DYNC2LI1: variants seen among roughly 807,000 people sequenced by gnomAD.
DYNC2LI1 encodes dynein cytoplasmic 2 light intermediate chain 1, also known as cytoplasmic dynein 2 light intermediate chain 1.
DYNC2LI1 carries 45 observed loss-of-function variants against 51.9 expected under a neutral mutation model. The observed-to-expected ratio is 0.87, with a 90% CI of 0.68 to 1.11. The LOEUF (loss-of-function observed/expected upper bound fraction) is 1.11, where lower values mean the gene tolerates loss of function less well. Ranked by LOEUF, DYNC2LI1 falls within the 50% of genes most tolerant of loss-of-function variation. The pLI, the probability that DYNC2LI1 is intolerant of heterozygous loss-of-function variation, is 0.00. For synonymous variants in DYNC2LI1, 130 were observed against 137.8 expected (o/e 0.94, Z 0.40); for missense variants, 490 against 417.4 (o/e 1.17, Z -1.51).
In DYNC2LI1 at chr2:43,783,549, T is replaced by C; in HGVS notation, c.156T>C (p.Leu52=). ...AGACTACTATTATTCTAAGGTGTCT[T>C]GACAGGTAAGTGTTATGTTAACCTT... ...GGKTTIILRC[L]DRDEPPKPTL... is the part of the protein sequence containing the mutation. Residue 52 remains leucine, a synonymous_variant, in exon 3 of 13, where the codon CTT becomes CTC. Transcript: ENST00000260605. The C allele has an allele frequency of 6.5e-7, 1 of 1,533,414 alleles. No homozygotes were observed. The highest frequency in any genetic ancestry group is 1.3e-5 in the South Asian group (1 of 77,436). The allele number at this position is 1,533,414 out of a possible 1,614,324, so 95.0% of individuals were successfully genotyped here. A position where few individuals can be genotyped will look rare whatever the true frequency, so the allele number is the denominator to read the frequency against.
At chr2:43,776,740 A>C in intron 1 of DYNC2LI1, 42 bp from the exon 2 acceptor site, 2 of 880,162 alleles carry the variant, frequency 2.3e-6, no homozygotes, top group South Asian at 3.4e-5. Context: ...ATTTGAAAGA[A>C]TTCTTTTTCC....
chr2:43,814,300 C>T (rs1354894205), downstream of DYNC2LI1, among the ~76,000 whole-genome samples: 1 of 152,152 alleles, frequency 6.6e-6, no homozygotes, highest in Non-Finnish European at 1.5e-5. Context: ...ACTAACTTGA[C>T]TACTGCTTAT....
chr2:43,797,065 ATCT>A (rs1214825220), intron 8 of DYNC2LI1, among the ~76,000 whole-genome samples: 2 of 152,322 alleles, frequency 1.3e-5, no homozygotes, highest in Non-Finnish European at 2.9e-5. Flanking sequence ...TAAGTTGATG[ATCT>A]ATTTATTCAT....
intron 2 of DYNC2LI1, among the ~76,000 whole-genome samples, chr2:43,780,459 G>GT (rs1465334333): frequency 2.0e-5 from 3 of 152,166 alleles, no homozygotes; most frequent in African/African-American, 4.8e-5. Context: ...AGCCTCTGAG[G>GT]TTTTTTCAAG....
chr2:43,824,073 C>G, the DYNC2LI1 span: 1 of 1,614,188 alleles, frequency 6.2e-7, no homozygotes, highest in Non-Finnish European at 8.5e-7. Flanking sequence ...GAAGGAGACG[C>G]GTAATCACTG....
Position 43,801,703 on chromosome 2 carries a change from C to A in DYNC2LI1, c.796C>A (p.Gln266Lys). ...FITAGLDSFG[Q>K]IGSPPVPEND... ...CACAGCAGGATTGGATTCTTTCGGTCAAATAGGTTAGTGAACTTATTAAGA... is the reference window on the plus strand; with the variant it reads ...CACAGCAGGATTGGATTCTTTCGGTAAAATAGGTTAGTGAACTTATTAAGA... The change falls in exon 10 of 13, where the codon CAA (glutamine) becomes AAA (lysine). Residue 266 changes from glutamine to lysine, a missense_variant. By Grantham distance (53) the Gln-to-Lys change is moderately conservative. Transcript: ENST00000260605. 2.5e-6 allele frequency: 4 copies of A among 1,607,664 alleles called. No homozygotes were observed. In the South Asian group the frequency reaches 4.5e-5, roughly 18 times the overall value.
chr2:43,783,068 A>C (rs1268583455), intron 2 of DYNC2LI1, among the ~76,000 whole-genome samples: 1 of 152,258 alleles, frequency 6.6e-6, no homozygotes, highest in Non-Finnish European at 1.5e-5. Flanking sequence ...CTAATGCAGT[A>C]TCTGAATTGC....
chr2:43,824,509 G>A, the DYNC2LI1 span: 2 of 1,598,424 alleles, frequency 1.3e-6, no homozygotes, highest in Non-Finnish European at 1.7e-6. Context: ...ATTGGTACAG[G>A]AGTACTGGCC....
chr2:43,810,473 G>A (rs533121987), downstream of DYNC2LI1: 1 of 985,404 alleles, frequency 1.0e-6, no homozygotes, highest in Non-Finnish European at 1.2e-6. Context: ...TAGCCTTTAA[G>A]AAGCCATTCC....
chr2:43,812,334 C>G (rs778816979), downstream of DYNC2LI1: 9 of 71,838 alleles, frequency 1.3e-4, no homozygotes, highest in African/African-American at 4.1e-4. Flanking sequence ...TTTTTTTTTT[C>G]GGTAGGTTTT....
intron 9 of DYNC2LI1, 50 bp downstream of exon 9, chr2:43,800,967 A>G (rs777708016): frequency 7.1e-6 from 9 of 1,271,682 alleles, no homozygotes; most frequent in Non-Finnish European, 1.0e-5. Flanking sequence ...TGATTTAGCC[A>G]ATGTTGTCTC....
At chr2:43,782,242 G>A (rs1179025570) in intron 2 of DYNC2LI1, among the ~76,000 whole-genome samples, 2 of 151,932 alleles carry the variant, frequency 1.3e-5, no homozygotes, top group Non-Finnish European at 2.9e-5. Flanking sequence ...TGTAACACTG[G>A]CCAATAAACA....
chr2:43,803,562 G>A (rs1666142625), intron 10 of DYNC2LI1, among the ~76,000 whole-genome samples: 1 of 152,122 alleles, frequency 6.6e-6, no homozygotes, highest in African/African-American at 2.4e-5. Context: ...GAAGGAGGAG[G>A]TTATGTCTAT....
At chr2:43,805,328 C>T in intron 12 of DYNC2LI1, 82 bp downstream of exon 12, 1 of 809,846 alleles carries the variant, frequency 1.2e-6, no homozygotes, top group Non-Finnish European at 2.0e-6. Context: ...TTACATTTTT[C>T]TCTATGTATT....
intron 12 of DYNC2LI1, among the ~76,000 whole-genome samples, chr2:43,805,888 TTC>T (rs1260787907): frequency 3.3e-5 from 5 of 151,652 alleles, no homozygotes; most frequent in Admixed American, 6.6e-5. Flanking sequence ...CTTTTTCTTT[TTC>T]TTTTTTTTTT....
At chr2:43,814,245 C>G (rs925131793), downstream of DYNC2LI1, among the ~76,000 whole-genome samples, 1 of 152,196 alleles carries the variant, frequency 6.6e-6, no homozygotes, top group African/African-American at 2.4e-5. Context: ...CTGTCATTTT[C>G]TAACAACATC....
the DYNC2LI1 span, chr2:43,823,892 C>A: frequency 6.7e-5 from 108 of 1,612,464 alleles, no homozygotes; most frequent in Middle Eastern, 8.5e-4. Context: ...AGAGGTGCAC[C>A]TCCAGCACGT....
chr2:43,790,982 G>A (rs115708784), intron 5 of DYNC2LI1, among the ~76,000 whole-genome samples: 3,268 of 152,216 alleles, frequency 0.021, 121 homozygotes, highest in African/African-American at 0.073. Context: ...TGAGAGGCCA[G>A]AGCCAGTGGA....
intron 12 of DYNC2LI1, among the ~76,000 whole-genome samples, chr2:43,807,743 CAAAAAAAAAA>C (rs536977133): frequency 2.4e-4 from 10 of 41,630 alleles, no homozygotes; most frequent in South Asian, 1.6e-3. Context: ...TTTGTTAAAG[CAAAAAAAAAA>C]AAAAAAAAAA....
Sources: allele counts gnomAD v4.1 joint callset (sites outside exome capture counted in the v4.1 genomes callset), GRCh38; gene constraint gnomAD v4.1.1; transcripts MANE v1.5; gene names NCBI Gene and HGNC (gene_info 2026-07-23, HGNC 2026-07-21).